Variants in PPP6R3 observed in about 807,000 individuals in gnomAD.
PPP6R3 encodes the protein protein phosphatase 6 regulatory subunit 3.
PPP6R3 carries 38 observed loss-of-function variants against 110.7 expected under a neutral mutation model. The observed-to-expected ratio is 0.34, with a 90% CI of 0.26 to 0.45. The LOEUF (loss-of-function observed/expected upper bound fraction) is 0.45. Among genes scored for constraint, PPP6R3 ranks in the 20% least tolerant of loss-of-function variants. The probability of loss-of-function intolerance (pLI) is 1.00; values close to 1 mark genes in which losing one functional copy is unlikely to be tolerated. For missense variants in PPP6R3, 870 were observed against 1,062.4 expected, an observed-to-expected ratio of 0.82 and a Z score of 2.52; for synonymous variants, 369 against 373.5, an observed-to-expected ratio of 0.99 and a Z score of 0.14.
At chr11:68,517,143 G>A (rs2099141314) in intron 1 of PPP6R3, among the ~76,000 whole-genome samples, 1 of 150,202 alleles carries the variant, frequency 6.7e-6, no homozygotes, top group Admixed American at 6.6e-5. Flanking sequence ...TTGGTTGGAT[G>A]TTGGAAAACG....
intron 1 of PPP6R3, among the ~76,000 whole-genome samples, chr11:68,477,741 A>AAATATATATATATATATATATATAT: frequency 1.7e-4 from 10 of 57,902 alleles, no homozygotes; most frequent in Non-Finnish European, 3.0e-4. Flanking sequence ...AAAAAAAAAA[A>AAATATATATATATATATATATATAT]ATATATATAT....
chr11:68,576,365 G>C (rs781669271), intron 14 of PPP6R3, among the ~76,000 whole-genome samples: 1 of 152,174 alleles, frequency 6.6e-6, no homozygotes, highest in East Asian at 1.9e-4. Context: ...ATTCTGCTGG[G>C]TTTGTGGCCA....
intron 1 of PPP6R3, among the ~76,000 whole-genome samples, chr11:68,472,651 G>C (rs572735176): frequency 3.1e-3 from 471 of 151,098 alleles, no homozygotes; most frequent in Middle Eastern, 6.8e-3. Flanking sequence ...TTATTGAGAA[G>C]TAATTCACAG....
chr11:68,487,396 C>CT (rs747007496), intron 1 of PPP6R3, among the ~76,000 whole-genome samples: 8 of 151,860 alleles, frequency 5.3e-5, no homozygotes, highest in Admixed American at 2.0e-4. Context: ...TGGCAAAACT[C>CT]TATCTCCACT....
At chr11:68,552,773 A>G (rs2099386046) in intron 6 of PPP6R3, among the ~76,000 whole-genome samples, 1 of 152,214 alleles carries the variant, frequency 6.6e-6, no homozygotes, top group Non-Finnish European at 1.5e-5. Flanking sequence ...TCTTGAGCAG[A>G]GGAACTTGAT....
At chr11:68,498,676 T>C (rs1208122467) in intron 1 of PPP6R3, among the ~76,000 whole-genome samples, 1 of 152,360 alleles carries the variant, frequency 6.6e-6, no homozygotes, top group Admixed American at 6.5e-5. Flanking sequence ...GTTGATTATT[T>C]GTTACTGTTG....
At chr11:68,509,634 A>G (rs1435324851) in intron 1 of PPP6R3, among the ~76,000 whole-genome samples, 1 of 151,878 alleles carries the variant, frequency 6.6e-6, no homozygotes, top group Admixed American at 6.6e-5. Context: ...TTTTTGAGAC[A>G]GGGTGTCACT....
chr11:68,484,635 T>C (rs2098935136), intron 1 of PPP6R3, among the ~76,000 whole-genome samples: 1 of 151,826 alleles, frequency 6.6e-6, no homozygotes, highest in Admixed American at 6.6e-5. Flanking sequence ...TTGCCCAGGG[T>C]GGAGTGTAAT....
intron 2 of PPP6R3, among the ~76,000 whole-genome samples, chr11:68,523,520 C>G (rs2099175050): frequency 6.6e-6 from 1 of 151,600 alleles, no homozygotes; most frequent in Admixed American, 6.6e-5. Context: ...TTTTGTGAGT[C>G]CCCCTCCTCC....
chr11:68,591,770 A>C, intron 18 of PPP6R3, 64 bp downstream of exon 18: 5 of 1,520,038 alleles, frequency 3.3e-6, no homozygotes, highest in Non-Finnish European at 4.4e-6. Context: ...TTATCATGAG[A>C]CATACATTGT....
At chr11:68,570,434 G>A (rs1025215082) in intron 11 of PPP6R3, among the ~76,000 whole-genome samples, 1 of 152,006 alleles carries the variant, frequency 6.6e-6, no homozygotes, top group South Asian at 2.1e-4. Flanking sequence ...TGGTTTACTC[G>A]CAAACCTAAA....
At chr11:68,481,057 T>A (rs932338221) in intron 1 of PPP6R3, among the ~76,000 whole-genome samples, 1 of 152,098 alleles carries the variant, frequency 6.6e-6, no homozygotes, top group African/African-American at 2.4e-5. Context: ...CAAAATAGAT[T>A]ATGAGCCAAA....
At chr11:68,475,586 G>A (rs2098823793) in intron 1 of PPP6R3, among the ~76,000 whole-genome samples, 1 of 149,650 alleles carries the variant, frequency 6.7e-6, no homozygotes, top group Admixed American at 6.7e-5. Context: ...GCCGGGCGGG[G>A]GCTGCCCCCC....
chr11:68,514,096 CT>C (rs2099124010), intron 1 of PPP6R3, among the ~76,000 whole-genome samples: 1 of 152,192 alleles, frequency 6.6e-6, no homozygotes, highest in Non-Finnish European at 1.5e-5. Flanking sequence ...CAAGGTCTTG[CT>C]TTGTCACCCA....
chr11:68,513,956 C>T (rs888211873), intron 1 of PPP6R3, among the ~76,000 whole-genome samples: 2 of 152,276 alleles, frequency 1.3e-5, no homozygotes, highest in Middle Eastern at 6.8e-3. Context: ...TGATGTTGAT[C>T]CATCGTGGTT....
chr11:68,504,460 G>A (rs758913467), intron 1 of PPP6R3, among the ~76,000 whole-genome samples: 6 of 152,126 alleles, frequency 3.9e-5, no homozygotes, highest in Non-Finnish European at 8.8e-5. Context: ...GGATTCTTTC[G>A]AGTGGATTCT....
At chr11:68,526,685 C>T (rs1401658540) in intron 2 of PPP6R3, among the ~76,000 whole-genome samples, 1 of 152,214 alleles carries the variant, frequency 6.6e-6, no homozygotes. Flanking sequence ...CTGGCAAAAA[C>T]TCGACTACCA....
chr11:68,563,727 A>G (rs2099440257), intron 8 of PPP6R3, among the ~76,000 whole-genome samples: 1 of 152,242 alleles, frequency 6.6e-6, no homozygotes, highest in Non-Finnish European at 1.5e-5. Context: ...TAGAAAGTTA[A>G]ACATTCATAA....
In PPP6R3 at chr11:68,591,569, T is replaced by A. The variant is rs758234858; in HGVS notation, c.1786-7T>A. On this transcript the variant is annotated splice_polypyrimidine_tract_variant and splice_region_variant and intron_variant, in intron 17 of 23. Transcript: ENST00000393800. ...TTTGTTGTTTTTTTCCTCTCATTTT[T>A]ATTTAGGGAAATATTGCCTTGTTTG... 106 of 1,582,862 alleles carry A rather than the reference T, an allele frequency of 6.7e-5. 1 individual carries two copies. In the South Asian group the frequency reaches 1.2e-3, roughly 18 times the overall value.
Sources: allele counts gnomAD v4.1 joint callset (sites outside exome capture counted in the v4.1 genomes callset), GRCh38; gene constraint gnomAD v4.1.1; transcripts MANE v1.5; gene names NCBI Gene and HGNC (gene_info 2026-07-23, HGNC 2026-07-21).